GOLGA8A: variants seen among roughly 807,000 people sequenced by gnomAD.
GOLGA8A encodes the protein golgin subfamily A member 8A.
A neutral mutation model predicts 22.1 loss-of-function variants in GOLGA8A; 3 were observed. That is an observed-to-expected ratio of 0.14 (90% confidence interval 0.06 to 0.35). GOLGA8A has a LOEUF of 0.35. Ranked by LOEUF, GOLGA8A falls within the 10% of genes least tolerant of loss-of-function variation. The probability of loss-of-function intolerance (pLI) is 1.00; values close to 1 mark genes in which losing one functional copy is unlikely to be tolerated. For missense variants in GOLGA8A, 16 were observed against 233.2 expected (o/e 0.07, Z 6.07); for synonymous variants, 7 against 91.7 (o/e 0.08, Z 5.28).
chr15:34,417,536 C>T (rs1389301232), intron 2 of GOLGA8A: 18 of 139,620 alleles, frequency 1.3e-4, no homozygotes, highest in Admixed American at 3.8e-4. Context: ...ATGATTGTGC[C>T]TTCAATTCTA....
chr15:34,403,151 A>G (rs1469193599), intron 5 of GOLGA8A, among the ~76,000 whole-genome samples: 1 of 48,714 alleles, frequency 2.1e-5, no homozygotes, highest in African/African-American at 1.0e-4. Context: ...AGAATTTAGT[A>G]TGAGTCTATT....
intron 7 of GOLGA8A, among the ~76,000 whole-genome samples, 184 bp from the exon 8 acceptor site, chr15:34,398,913 A>G (rs1035418585): frequency 5.4e-5 from 7 of 129,776 alleles, no homozygotes; most frequent in Admixed American, 2.3e-4. Flanking sequence ...GGATGTTGCA[A>G]GTGGCCTACA....
chr15:34,418,398 C>T (rs557284840), intron 2 of GOLGA8A: 26 of 141,930 alleles, frequency 1.8e-4, no homozygotes, highest in African/African-American at 6.1e-4. Context: ...TGTCTCTGCA[C>T]TGACCAAATA....
intron 2 of GOLGA8A, among the ~76,000 whole-genome samples, chr15:34,424,174 G>C (rs541485461): frequency 6.9e-6 from 1 of 144,172 alleles, no homozygotes; most frequent in East Asian, 2.1e-4. Flanking sequence ...CAGCCACACA[G>C]GGAAAAAAAC....
intron 2 of GOLGA8A, among the ~76,000 whole-genome samples, chr15:34,425,894 T>C (rs349637): frequency 2.9e-5 from 4 of 137,210 alleles, no homozygotes; most frequent in African/African-American, 5.2e-5. Flanking sequence ...TTACACCCAC[T>C]TGACTGAATG....
rs1891363313 is a variant in GOLGA8A, at chr15:34,379,377, CTT to C, written c.*2032_*2033del. On this transcript the variant is annotated 3_prime_UTR_variant, in exon 25 of 25. Coordinates refer to ENST00000359187, the MANE Select transcript of GOLGA8A (RefSeq NM_181077.5). ...ATATTTATATTATTTTAAAATGACT[CTT>C]TAAGATACAGTTTTAAACCCATGGG... 1 of 152,436 alleles carries C rather than the reference CTT, an allele frequency of 6.6e-6. No individual in the cohort carries two copies. The highest frequency in any genetic ancestry group is 1.5e-5 in the Non-Finnish European group (1 of 68,026). 9.4% of individuals were successfully genotyped at this position (152,436 alleles called of 1,614,324 possible).
chr15:34,427,699 G>A lies in GOLGA8A; in HGVS notation c.-1123+7684C>T, dbSNP rs1415995237. Among the ~76,000 whole-genome samples, 8 of 148,572 alleles carry A rather than the reference G, an allele frequency of 5.4e-5. 1 individual carries two copies. The highest frequency in any genetic ancestry group is 6.8e-5 in the Admixed American group (1 of 14,666). On this transcript the variant is annotated intron_variant, in intron 2 of 24. Transcript: ENST00000359187. ...CACCTGTGGAGTCCTAGGCGGTTGA[G>A]GAACTGGGGGAGGGCTTGGTTTCAA...
chr15:34,431,088 G>A (rs74972177), intron 2 of GOLGA8A, among the ~76,000 whole-genome samples: 1 of 148,350 alleles, frequency 6.7e-6, no homozygotes, highest in Non-Finnish European at 1.5e-5. Flanking sequence ...AAATGCATGC[G>A]GTTACTCAAC....
At chr15:34,434,301 C>G (rs1893392417) in intron 2 of GOLGA8A, among the ~76,000 whole-genome samples, 1 of 149,682 alleles carries the variant, frequency 6.7e-6, no homozygotes, top group African/African-American at 2.5e-5. Context: ...CCTGGGCCAA[C>G]TTGCAGACTC....
chr15:34,429,679 A>G (rs1893140835), intron 2 of GOLGA8A, among the ~76,000 whole-genome samples: 1 of 147,602 alleles, frequency 6.8e-6, no homozygotes, highest in Non-Finnish European at 1.5e-5. Context: ...TGGGAACAAG[A>G]AAGCTGGAAT....
At position 34,433,051 on chromosome 15, in the gene GOLGA8A, G is replaced by T. The variant is rs184363882; in HGVS notation, c.-1123+2332C>A. On this transcript the variant is annotated intron_variant, in intron 2 of 24. Coordinates refer to ENST00000359187, the MANE Select transcript of GOLGA8A (RefSeq NM_181077.5). ...CCAGAAGACTGGTCCTGGGCCCCAG[G>T]GATTAGTGGCAGGGCCAGGCTGGAA... is the stretch of plus-strand genomic sequence containing the variant. 1.3e-3 allele frequency among the ~76,000 whole-genome samples: 191 copies of T among 149,168 alleles called. 13 individuals are homozygous for T. The highest frequency in any genetic ancestry group is 8.9e-5 in the Non-Finnish European group (6 of 67,124).
At chr15:34,430,175 T>A (rs1595668635) in intron 2 of GOLGA8A, among the ~76,000 whole-genome samples, 2 of 149,170 alleles carry the variant, frequency 1.3e-5, no homozygotes, top group East Asian at 4.0e-4. Flanking sequence ...GAAGCTGAAA[T>A]CTGTGAAAGC....
In GOLGA8A at chr15:34,429,913, C is replaced by A. The variant is rs1321487696; in HGVS notation, c.-1123+5470G>T. Among the ~76,000 whole-genome samples the A allele has an allele frequency of 3.4e-5, 5 of 147,898 alleles. 1 individual carries two copies. Among genetic ancestry groups the A allele is most frequent in the Admixed American group, 6.9e-5 (1 of 14,498 alleles). On this transcript the variant is annotated intron_variant, in intron 2 of 24. Coordinates refer to ENST00000359187, the MANE Select transcript of GOLGA8A (RefSeq NM_181077.5). ...TGTTTCCACTATTAGATTAAGCCAC[C>A]CTATGTGACAGATAAAAGGAGCAAC...
intron 2 of GOLGA8A, chr15:34,417,269 A>G (rs1452614029): frequency 3.6e-5 from 4 of 111,780 alleles, no homozygotes; most frequent in African/African-American, 1.4e-4. Flanking sequence ...TTCATTAATT[A>G]ACCATTTCCC....
chr15:34,421,177 T>C (rs2140271972), intron 2 of GOLGA8A, among the ~76,000 whole-genome samples: 1 of 143,318 alleles, frequency 7.0e-6, no homozygotes, highest in East Asian at 2.2e-4. Context: ...TGTCTGACAT[T>C]TGCTCTGGGA....
At chr15:34,400,400 G>C (rs1387070810) in intron 6 of GOLGA8A, among the ~76,000 whole-genome samples, 1 of 149,182 alleles carries the variant, frequency 6.7e-6, no homozygotes, top group Non-Finnish European at 1.5e-5. Flanking sequence ...TAATATTTTT[G>C]TATTTTTAGT....
chr15:34,428,727 G>A (rs1893091127), intron 2 of GOLGA8A: 1 of 147,560 alleles, frequency 6.8e-6, no homozygotes, highest in Admixed American at 6.9e-5. Flanking sequence ...GAGGGCCCAA[G>A]CTGCAGGCGC....
At chr15:34,412,750 CACAG>C (rs1266414232) in intron 2 of GOLGA8A, among the ~76,000 whole-genome samples, 1 of 142,428 alleles carries the variant, frequency 7.0e-6, no homozygotes, top group Non-Finnish European at 1.6e-5. Context: ...AAACCCACTC[CACAG>C]ACAAAGCAGT....
intron 2 of GOLGA8A, among the ~76,000 whole-genome samples, chr15:34,414,718 T>G (rs149530303): frequency 0.069 from 9,122 of 132,306 alleles, 188 homozygotes; most frequent in East Asian, 0.13. Flanking sequence ...TTTTCTCATT[T>G]GAGAACTGAA....
Sources: gnomAD v4.1 joint callset for allele counts (sites outside exome capture counted in the v4.1 genomes callset) on GRCh38, gnomAD v4.1.1 for gene constraint, MANE v1.5 for transcripts, NCBI Gene and HGNC (gene_info 2026-07-23, HGNC 2026-07-21) for gene names.